POU6F2: variants seen among roughly 807,000 people sequenced by gnomAD.
The protein encoded by POU6F2 is POU class 6 homeobox 2.
In POU6F2, 31 loss-of-function variants were observed where a neutral mutation model predicts 71.3. The ratio of observed to expected loss-of-function variants is 0.43; its 90% CI spans 0.33 to 0.59. The LOEUF (loss-of-function observed/expected upper bound fraction) is 0.59, where lower values mean the gene tolerates loss of function less well. POU6F2 is among the 20% of genes least tolerant of loss of function. The probability of loss-of-function intolerance (pLI) is 0.04; values close to 1 mark genes in which losing one functional copy is unlikely to be tolerated. For missense variants in POU6F2, 783 were observed against 856.8 expected (o/e 0.91, Z 1.07); for synonymous variants, 347 against 355.7 (o/e 0.98, Z 0.27).
chr7:39,364,854 T>G (rs1786466315), intron 5 of POU6F2, among the ~76,000 whole-genome samples: 1 of 152,238 alleles, frequency 6.6e-6, no homozygotes, highest in African/African-American at 2.4e-5. Flanking sequence ...CTGTTTTCCA[T>G]AGTGGTTGTA....
At chr7:39,167,846 G>A (rs1011262325) in intron 2 of POU6F2, among the ~76,000 whole-genome samples, 2 of 151,768 alleles carry the variant, frequency 1.3e-5, no homozygotes, top group African/African-American at 4.8e-5. Context: ...TTGTGCCTCA[G>A]ATAAGTTACA....
intron 1 of POU6F2, among the ~76,000 whole-genome samples, chr7:39,026,313 C>T (rs1161236979): frequency 1.4e-4 from 22 of 151,752 alleles, no homozygotes; most frequent in Admixed American, 7.9e-4. Context: ...ATGTTTATTG[C>T]GGCACTATTC....
At chr7:39,309,826 C>G (rs192042274) in intron 4 of POU6F2, among the ~76,000 whole-genome samples, 1 of 152,336 alleles carries the variant, frequency 6.6e-6, no homozygotes, top group East Asian at 1.9e-4. Flanking sequence ...AAGGCACCAA[C>G]AAGTAGCTAA....
At chr7:39,237,312 T>C (rs954251527) in intron 4 of POU6F2, among the ~76,000 whole-genome samples, 14 of 152,220 alleles carry the variant, frequency 9.2e-5, no homozygotes, top group Non-Finnish European at 1.3e-4. Context: ...TATTGATTTC[T>C]GCTTTTCCCC....
chr7:39,107,715 GTGTCCTTATTGCCCTTGGGCCCT>G (rs976049716), intron 2 of POU6F2, among the ~76,000 whole-genome samples: 14 of 152,126 alleles, frequency 9.2e-5, no homozygotes, highest in African/African-American at 3.1e-4. Flanking sequence ...AAGTAATGCA[GTGTCCTTATTGCCCTTGGGCCCT>G]TGTCCTCTCT....
chr7:39,203,412 C>A (rs1187741402), intron 2 of POU6F2, among the ~76,000 whole-genome samples: 2 of 152,148 alleles, frequency 1.3e-5, no homozygotes, highest in Non-Finnish European at 2.9e-5. Context: ...CAAAAATTGC[C>A]ACTGGTTTTA....
At chr7:39,020,621 A>G (rs1295305873) in intron 1 of POU6F2, among the ~76,000 whole-genome samples, 1 of 152,118 alleles carries the variant, frequency 6.6e-6, no homozygotes, top group Non-Finnish European at 1.5e-5. Context: ...TCCTCAATAA[A>G]TCAAACTCCT....
intron 2 of POU6F2, among the ~76,000 whole-genome samples, chr7:39,194,833 CG>C (rs1449179948): frequency 1.3e-5 from 2 of 152,116 alleles, no homozygotes; most frequent in African/African-American, 4.8e-5. Flanking sequence ...CGAACCCCCC[CG>C]GGGAGGAAGA....
chr7:39,160,315 T>C (rs1792967963), intron 2 of POU6F2, among the ~76,000 whole-genome samples: 1 of 152,194 alleles, frequency 6.6e-6, no homozygotes. Flanking sequence ...AAGGCTTATT[T>C]CAGAGCTCTG....
chr7:39,256,514 G>A (rs145613998), intron 4 of POU6F2, among the ~76,000 whole-genome samples: 65 of 152,254 alleles, frequency 4.3e-4, no homozygotes, highest in African/African-American at 1.5e-3. Flanking sequence ...AGATGTCTAT[G>A]TCCTAACCTC....
intron 1 of POU6F2, among the ~76,000 whole-genome samples, chr7:39,026,371 C>G (rs544268180): frequency 1.5e-3 from 221 of 152,086 alleles, no homozygotes; most frequent in Middle Eastern, 6.8e-3. Context: ...CAATGATAGA[C>G]TGGATTAAGA....
intron 2 of POU6F2, among the ~76,000 whole-genome samples, chr7:39,143,531 G>A (rs1314361558): frequency 6.6e-6 from 1 of 152,194 alleles, no homozygotes; most frequent in East Asian, 1.9e-4. Context: ...AAAAGAGATA[G>A]CAATGTTTAC....
At chr7:39,048,876 G>T (rs1327906086) in intron 1 of POU6F2, among the ~76,000 whole-genome samples, 1 of 151,894 alleles carries the variant, frequency 6.6e-6, no homozygotes, top group Non-Finnish European at 1.5e-5. Context: ...CATTCTGACT[G>T]GTGTGAGATG....
At chr7:39,157,560 T>A (rs1346673573) in intron 2 of POU6F2, among the ~76,000 whole-genome samples, 1 of 152,218 alleles carries the variant, frequency 6.6e-6, no homozygotes, top group Non-Finnish European at 1.5e-5. Context: ...ATCCTTCATA[T>A]AAATATATTA....
chr7:39,019,638 C>CTTTCTTT (rs924262095), intron 1 of POU6F2, among the ~76,000 whole-genome samples: 3 of 145,412 alleles, frequency 2.1e-5, no homozygotes, highest in African/African-American at 7.5e-5. Flanking sequence ...TTTGCATTTT[C>CTTTCTTT]TTTCTTTTTT....
intron 2 of POU6F2, among the ~76,000 whole-genome samples, chr7:39,198,659 G>T (rs1308106326): frequency 6.6e-6 from 1 of 152,240 alleles, no homozygotes; most frequent in Non-Finnish European, 1.5e-5. Context: ...AGCATGGCTT[G>T]TAGAATTAGC....
Position 39,338,265 on chromosome 7 carries a change from G to A in POU6F2, c.599-1377G>A, listed in dbSNP as rs148960637. On this transcript the variant is annotated intron_variant, in intron 4 of 9. Transcript: ENST00000518318. ...AATAGAGCAGGGCTCCCACATCTTT[G>A]ATAAAATGTGATTTTGTAAACTAGA... 3.3e-5 allele frequency among the ~76,000 whole-genome samples: 5 copies of A among 152,298 alleles called. No individual in the cohort carries two copies. In the East Asian group the frequency reaches 9.6e-4, roughly 29 times the overall value.
At chr7:39,233,834 T>A (rs138576393) in intron 4 of POU6F2, among the ~76,000 whole-genome samples, 17 of 152,310 alleles carry the variant, frequency 1.1e-4, no homozygotes, top group African/African-American at 4.1e-4. Context: ...TTTAATTATA[T>A]CAATCCATCT....
intron 2 of POU6F2, among the ~76,000 whole-genome samples, chr7:39,157,333 T>C (rs972820453): frequency 6.6e-6 from 1 of 152,192 alleles, no homozygotes; most frequent in Non-Finnish European, 1.5e-5. Context: ...AATGAAATGG[T>C]TATAAAGTCC....
Sources: allele counts gnomAD v4.1 joint callset (sites outside exome capture counted in the v4.1 genomes callset), GRCh38; gene constraint gnomAD v4.1.1; transcripts MANE v1.5; gene names NCBI Gene and HGNC (gene_info 2026-07-23, HGNC 2026-07-21).